MDFIC2: variants seen among roughly 807,000 people sequenced by gnomAD.
The protein encoded by MDFIC2 is MyoD family inhibitor domain containing 2.
intron 2 of MDFIC2, among the ~76,000 whole-genome samples, chr3:70,282,062 T>A (rs1341969224): frequency 6.6e-6 from 1 of 152,130 alleles, no homozygotes; most frequent in African/African-American, 2.4e-5. Context: ...ATAAAGCCAA[T>A]CACTGAGACA....
At chr3:70,278,515 T>C (rs576468957) in intron 2 of MDFIC2, among the ~76,000 whole-genome samples, 1 of 152,332 alleles carries the variant, frequency 6.6e-6, no homozygotes, top group South Asian at 2.1e-4. Flanking sequence ...TATACATCCG[T>C]CAAGACTGTA....
intron 2 of MDFIC2, among the ~76,000 whole-genome samples, chr3:70,269,861 C>T (rs537179346): frequency 6.6e-6 from 1 of 152,208 alleles, no homozygotes; most frequent in Non-Finnish European, 1.5e-5. Context: ...AATATCCAAA[C>T]TTAAGGAAGA....
intron 2 of MDFIC2, among the ~76,000 whole-genome samples, chr3:70,263,734 G>T (rs1487014414): frequency 1.3e-5 from 2 of 152,016 alleles, no homozygotes; most frequent in Non-Finnish European, 2.9e-5. Context: ...TATCCTCTCT[G>T]CCTCCCCAAA....
chr3:70,265,989 A>G (rs1701913476), intron 2 of MDFIC2, among the ~76,000 whole-genome samples: 1 of 152,192 alleles, frequency 6.6e-6, no homozygotes, highest in Non-Finnish European at 1.5e-5. Flanking sequence ...ACAATTCAAC[A>G]TGAGATTTAG....
At chr3:70,284,503 C>A (rs570521047) in intron 2 of MDFIC2, among the ~76,000 whole-genome samples, 1 of 152,168 alleles carries the variant, frequency 6.6e-6, no homozygotes, top group African/African-American at 2.4e-5. Context: ...AACCTAAATG[C>A]CCATCAATGA....
chr3:70,264,420 T>G (rs1701896951), intron 2 of MDFIC2, among the ~76,000 whole-genome samples: 1 of 152,208 alleles, frequency 6.6e-6, no homozygotes, highest in South Asian at 2.1e-4. Flanking sequence ...CCAATGACTG[T>G]CTAAGAACTG....
rs1194645520 is a variant in MDFIC2, at chr3:70,194,760, G to A, written c.*2166C>T. Among the ~76,000 whole-genome samples, 1 of 152,114 alleles carries A rather than the reference G, an allele frequency of 6.6e-6. No homozygotes were observed. Among genetic ancestry groups the A allele is most frequent in the Admixed American group, 6.5e-5 (1 of 15,278 alleles). ...GGGTATGTAGAGTAGAAAGAATAAG[G>A]GAATGATAATTGAAATATTTAACAC... On this transcript the variant is annotated 3_prime_UTR_variant, in exon 4 of 4. Transcript: ENST00000567252.
chr3:70,300,071 G>A (rs574868182), intron 2 of MDFIC2, among the ~76,000 whole-genome samples: 1 of 152,126 alleles, frequency 6.6e-6, no homozygotes, highest in African/African-American at 2.4e-5. Flanking sequence ...TTATAGCCCA[G>A]CCAAATTCCC....
At chr3:70,285,329 T>G (rs562812159) in intron 2 of MDFIC2, among the ~76,000 whole-genome samples, 1 of 151,592 alleles carries the variant, frequency 6.6e-6, no homozygotes, top group Non-Finnish European at 1.5e-5. Flanking sequence ...GTTCTTGCGA[T>G]AGTTTACTGA....
intron 2 of MDFIC2, among the ~76,000 whole-genome samples, chr3:70,300,924 A>T (rs1380787063): frequency 6.6e-6 from 1 of 152,068 alleles, no homozygotes; most frequent in Non-Finnish European, 1.5e-5. Flanking sequence ...AAAAAAGTCA[A>T]GAAAGCCGTT....
In MDFIC2 at chr3:70,295,521, A is replaced by G. The variant is rs575911636; in HGVS notation, c.88+16365T>C. 3.3e-5 allele frequency among the ~76,000 whole-genome samples: 5 copies of G among 152,084 alleles called. No homozygotes were observed. In the South Asian group the frequency reaches 6.2e-4, roughly 19 times the overall value. On this transcript the variant is annotated intron_variant, in intron 2 of 3. Coordinates refer to ENST00000567252, the MANE Select transcript of MDFIC2 (RefSeq NM_001364677.1). ...AGTTCGAGACTGGCCTGGGAAACAT[A>G]GTGAGATCCCGTCTCTACAAAAAAG...
intron 2 of MDFIC2, among the ~76,000 whole-genome samples, chr3:70,271,517 A>G (rs185812263): frequency 2.5e-3 from 388 of 152,356 alleles, no homozygotes; most frequent in Admixed American, 5.1e-3. Context: ...TTAACTATTT[A>G]ACAAACATCA....
At chr3:70,218,806 C>T (rs763141953) in intron 2 of MDFIC2, among the ~76,000 whole-genome samples, 3 of 152,132 alleles carry the variant, frequency 2.0e-5, no homozygotes, top group Non-Finnish European at 4.4e-5. Flanking sequence ...AGTGCATTGA[C>T]TGTGCTTGGC....
intron 2 of MDFIC2, among the ~76,000 whole-genome samples, chr3:70,285,796 C>T (rs943915620): frequency 6.6e-6 from 1 of 152,158 alleles, no homozygotes; most frequent in Non-Finnish European, 1.5e-5. Flanking sequence ...ATTTGCATTT[C>T]TCTGATGTCC....
intron 2 of MDFIC2, among the ~76,000 whole-genome samples, chr3:70,282,930 A>T (rs941731481): frequency 5.3e-5 from 8 of 152,184 alleles, no homozygotes. Flanking sequence ...AGGGGTAATA[A>T]AAGATGACTC....
At chr3:70,246,644 C>T (rs1342116599) in intron 2 of MDFIC2, among the ~76,000 whole-genome samples, 1 of 151,998 alleles carries the variant, frequency 6.6e-6, no homozygotes, top group Admixed American at 6.6e-5. Context: ...GGGTTGTTGA[C>T]AACAACCTAC....
At chr3:70,248,136 T>A (rs1333041597) in intron 2 of MDFIC2, among the ~76,000 whole-genome samples, 1 of 152,060 alleles carries the variant, frequency 6.6e-6, no homozygotes, top group African/African-American at 2.4e-5. Flanking sequence ...ACCATATTAT[T>A]CTCTGTCCTG....
intron 2 of MDFIC2, among the ~76,000 whole-genome samples, chr3:70,294,759 C>A (rs1270719181): frequency 6.6e-6 from 1 of 152,008 alleles, no homozygotes; most frequent in Non-Finnish European, 1.5e-5. Context: ...AGATTTTTTT[C>A]CATGTCATTT....
At chr3:70,293,298 T>A (rs1399144779) in intron 2 of MDFIC2, among the ~76,000 whole-genome samples, 1 of 152,086 alleles carries the variant, frequency 6.6e-6, no homozygotes, top group Non-Finnish European at 1.5e-5. Flanking sequence ...CATACAATTA[T>A]CAAAATATGT....
Sources: allele counts gnomAD v4.1 joint callset (sites outside exome capture counted in the v4.1 genomes callset), GRCh38; gene constraint gnomAD v4.1.1; transcripts MANE v1.5; gene names NCBI Gene and HGNC (gene_info 2026-07-23, HGNC 2026-07-21).